The following LPP variants were observed in gnomAD, a reference collection of about 807,000 sequenced individuals.
LPP encodes the protein LIM domain containing preferred translocation partner in lipoma, also known as lipoma-preferred partner.
LPP carries 38 observed loss-of-function variants against 60.4 expected under a neutral mutation model. That is an observed-to-expected ratio of 0.63 (90% CI 0.49 to 0.83). LPP has a LOEUF of 0.83. Ranked by LOEUF, LPP falls within the 40% of genes least tolerant of loss-of-function variation. LPP has a pLI of 0.00. For synonymous variants in LPP, 328 were observed against 290.8 expected (o/e 1.13, Z -1.30); for missense variants, 902 against 783.6 (o/e 1.15, Z -1.80).
intron 6 of LPP, among the ~76,000 whole-genome samples, chr3:188,535,046 A>G (rs1289917194): frequency 1.4e-5 from 2 of 139,850 alleles, no homozygotes; most frequent in Non-Finnish European, 3.3e-5. Context: ...TATTGAAATG[A>G]AATATACAAA....
Position 188,760,053 on chromosome 3 carries a change from T to A in LPP, c.1241-60T>A. 2.0e-6 allele frequency: 3 copies of A among 1,501,724 alleles called. No individual in the cohort carries two copies. The South Asian group carries it at 3.5e-5, about 17-fold the overall frequency. The allele number at this position is 1,501,724 out of a possible 1,614,324, so 93.0% of individuals were successfully genotyped here. A position where few individuals can be genotyped will look rare whatever the true frequency, so the allele number is the denominator to read the frequency against. On this transcript the variant is annotated intron_variant, in intron 8 of 11. Coordinates refer to ENST00000617246, the MANE Select transcript of LPP (RefSeq NM_001375462.1). ...TATGAACCTGCTTTCTCCTCCACTT[T>A]GGCTTTAGCAGGACTGAAGTACTCC... is the stretch of plus-strand genomic sequence containing the variant.
chr3:188,525,673 C>A (rs1034522274), intron 6 of LPP, among the ~76,000 whole-genome samples: 6 of 152,068 alleles, frequency 3.9e-5, no homozygotes, highest in African/African-American at 1.4e-4. Flanking sequence ...ATTTCCTGGC[C>A]TCAGATTTCT....
chr3:188,795,194 GT>G (rs1481323373), intron 9 of LPP, among the ~76,000 whole-genome samples: 1 of 152,076 alleles, frequency 6.6e-6, no homozygotes, highest in African/African-American at 2.4e-5. Context: ...CTACCTTTAT[GT>G]TTTTACCCAA....
intron 1 of LPP, among the ~76,000 whole-genome samples, chr3:188,197,527 TCTC>T (rs1410794789): frequency 1.3e-5 from 2 of 152,106 alleles, no homozygotes; most frequent in Non-Finnish European, 2.9e-5. Context: ...CATCTTTACT[TCTC>T]CTTCACAGCC....
At chr3:188,694,230 G>T (rs1862719233) in intron 7 of LPP, among the ~76,000 whole-genome samples, 1 of 152,134 alleles carries the variant, frequency 6.6e-6, no homozygotes. Flanking sequence ...AGCTTCTAAT[G>T]TGAAAGAATA....
chr3:188,656,472 A>C (rs1430163751), intron 7 of LPP, among the ~76,000 whole-genome samples: 3 of 152,126 alleles, frequency 2.0e-5, no homozygotes, highest in African/African-American at 7.2e-5. Context: ...CAAAAAAAGC[A>C]AACAAACAAT....
At chr3:188,373,428 G>A (rs1325749765) in intron 3 of LPP, among the ~76,000 whole-genome samples, 1 of 152,140 alleles carries the variant, frequency 6.6e-6, no homozygotes, top group Non-Finnish European at 1.5e-5. Context: ...ATCTCATTGT[G>A]GTTTTGATTT....
intron 9 of LPP, among the ~76,000 whole-genome samples, chr3:188,861,889 T>TTA (rs397699084): frequency 0.057 from 7 of 122 alleles, no homozygotes; most frequent in African/African-American, 0.23. Flanking sequence ...TCTGCTACTC[T>TTA]ACGTCCTTTC....
intron 1 of LPP, among the ~76,000 whole-genome samples, chr3:188,215,502 G>T (rs1441965709): frequency 6.6e-6 from 1 of 151,994 alleles, no homozygotes; most frequent in African/African-American, 2.4e-5. Flanking sequence ...ACTACTCTAG[G>T]TTCTGTATCT....
intron 2 of LPP, among the ~76,000 whole-genome samples, chr3:188,244,777 G>A (rs368639107): frequency 6.6e-6 from 1 of 152,098 alleles, no homozygotes; most frequent in Admixed American, 6.6e-5. Context: ...CACACTGCCT[G>A]GTGTCTACTC....
intron 5 of LPP, among the ~76,000 whole-genome samples, chr3:188,506,876 C>A (rs1200885245): frequency 6.6e-6 from 1 of 152,110 alleles, no homozygotes; most frequent in Non-Finnish European, 1.5e-5. Flanking sequence ...CGGCTCACTG[C>A]AAGCTCCGCC....
At chr3:188,850,144 G>A (rs188576357) in intron 9 of LPP, among the ~76,000 whole-genome samples, 21 of 152,326 alleles carry the variant, frequency 1.4e-4, no homozygotes, top group Admixed American at 6.5e-4. Flanking sequence ...GTGCTATTGT[G>A]TTTTACACAG....
chr3:188,489,841 T>G (rs1006972344), intron 5 of LPP, among the ~76,000 whole-genome samples: 3 of 152,218 alleles, frequency 2.0e-5, no homozygotes, highest in Admixed American at 6.5e-5. Context: ...TGACTTCCAG[T>G]TGACAACTTC....
intron 2 of LPP, among the ~76,000 whole-genome samples, chr3:188,338,986 CCT>C (rs1354118903): frequency 6.6e-6 from 1 of 152,120 alleles, no homozygotes; most frequent in Non-Finnish European, 1.5e-5. Context: ...TTCTTTACCC[CCT>C]GTTATTTTCT....
At chr3:188,761,393 T>G (rs1221863682) in intron 9 of LPP, among the ~76,000 whole-genome samples, 1 of 152,204 alleles carries the variant, frequency 6.6e-6, no homozygotes, top group Non-Finnish European at 1.5e-5. Flanking sequence ...AAATATGGCT[T>G]TGCATCTGTC....
At chr3:188,441,026 ATGTG>A (rs10671285) in intron 4 of LPP, among the ~76,000 whole-genome samples, 9 of 146,436 alleles carry the variant, frequency 6.1e-5, no homozygotes, top group Non-Finnish European at 1.2e-4. Context: ...CTCCCTTAAT[ATGTG>A]TGTGTGTGTG....
rs142322430 is a variant in LPP, at chr3:188,430,839, T to C, written c.193+24526T>C. Among the ~76,000 whole-genome samples the C allele has an allele frequency of 2.0e-3, 304 of 152,130 alleles. 1 individual carries two copies. The highest frequency in any genetic ancestry group is 6.8e-3 in the African/African-American group (282 of 41,492). On this transcript the variant is annotated intron_variant, in intron 4 of 11. Coordinates refer to ENST00000617246, the MANE Select transcript of LPP (RefSeq NM_001375462.1). ...TGAGTCTTCCCCACCCAGCTCAACA[T>C]TGAGATTTTTTTTTTATATGTAGAA...
At chr3:188,525,898 C>T (rs894298782) in intron 6 of LPP, among the ~76,000 whole-genome samples, 3 of 152,016 alleles carry the variant, frequency 2.0e-5, no homozygotes, top group Admixed American at 6.6e-5. Context: ...TTATTTTTGC[C>T]TACTTTGGAG....
chr3:188,362,931 C>T (rs1769938700), intron 3 of LPP, among the ~76,000 whole-genome samples: 1 of 152,142 alleles, frequency 6.6e-6, no homozygotes, highest in African/African-American at 2.4e-5. Context: ...CACCATCCAC[C>T]ACATTATTAA....
Sources: gnomAD v4.1 joint callset for allele counts (sites outside exome capture counted in the v4.1 genomes callset) on GRCh38, gnomAD v4.1.1 for gene constraint, MANE v1.5 for transcripts, NCBI Gene and HGNC (gene_info 2026-07-23, HGNC 2026-07-21) for gene names.